Variants in ME3 observed in about 807,000 individuals in gnomAD.
ME3 encodes the protein NADP-dependent malic enzyme, mitochondrial.
Under a neutral mutation model 68.9 loss-of-function variants are expected in ME3, and 48 were observed. That is an observed-to-expected ratio of 0.70 (90% CI 0.55 to 0.89). The LOEUF (loss-of-function observed/expected upper bound fraction) is 0.89. Ranked by LOEUF, ME3 falls within the 40% of genes least tolerant of loss-of-function variation. The probability of loss-of-function intolerance (pLI) is 0.00; values close to 1 mark genes in which losing one functional copy is unlikely to be tolerated. For synonymous variants in ME3, 320 were observed against 318.8 expected (o/e 1.00, Z -0.04); for missense variants, 675 against 797.4 (o/e 0.85, Z 1.85).
intron 7 of ME3, among the ~76,000 whole-genome samples, chr11:86,475,314 C>T (rs1397565162): frequency 6.6e-6 from 1 of 152,192 alleles, no homozygotes; most frequent in Non-Finnish European, 1.5e-5. Context: ...CCTGTTTTCA[C>T]CATGTGATAT....
At chr11:86,644,580 C>T (rs546745372) in intron 2 of ME3, among the ~76,000 whole-genome samples, 23 of 152,306 alleles carry the variant, frequency 1.5e-4, no homozygotes, top group African/African-American at 5.1e-4. Context: ...CCAGACTCTA[C>T]GTGATATAAG....
At chr11:86,462,588 G>A in intron 8 of ME3, 1 of 1,286,856 alleles carries the variant, frequency 7.8e-7, no homozygotes, top group African/African-American at 1.5e-5. Context: ...GTGTGCTTAT[G>A]AGGATGTCAG....
Position 86,556,704 on chromosome 11 carries a change from T to C in ME3, c.318-2A>G, listed in dbSNP as rs1159526933. 6.2e-7 allele frequency: 1 copy of C among 1,613,676 alleles called. No homozygotes were observed. The highest frequency in any genetic ancestry group is 8.5e-7 in the Non-Finnish European group (1 of 1,179,790). On this transcript the variant is annotated splice_acceptor_variant, in intron 3 of 14. Transcript: ENST00000543262. LOFTEE classifies it high-confidence loss of function. Reference sequence around the variant, plus strand: ...TGGAGTGTCATGAGAATGATGTACCTTGTAAAAGGAGAGAAAAAGCAAGCT... The same window carrying C: ...TGGAGTGTCATGAGAATGATGTACCCTGTAAAAGGAGAGAAAAAGCAAGCT...
At chr11:86,639,464 C>T (rs1944534163) in intron 2 of ME3, among the ~76,000 whole-genome samples, 1 of 152,210 alleles carries the variant, frequency 6.6e-6, no homozygotes, top group African/African-American at 2.4e-5. Flanking sequence ...ATAACCAGTT[C>T]CTCCTGGCAC....
At chr11:86,469,850 G>GT (rs113560700) in intron 7 of ME3, among the ~76,000 whole-genome samples, 2,475 of 143,092 alleles carry the variant, frequency 0.017, 40 homozygotes, top group African/African-American at 0.046. Flanking sequence ...GTTTGATTTT[G>GT]TTTTTTTTTT....
At chr11:86,457,397 G>A (rs1373135213) in intron 8 of ME3, 8 of 658,568 alleles carry the variant, frequency 1.2e-5, no homozygotes, top group African/African-American at 2.0e-5. Flanking sequence ...ACCTCCAGGT[G>A]GCCAAATTCA....
chr11:86,607,223 T>TG lies in ME3; in HGVS notation c.184-47401dup, dbSNP rs150516499. Among the ~76,000 whole-genome samples the TG allele has an allele frequency of 3.0e-3, 461 of 152,292 alleles. 3 individuals carry two copies. Among genetic ancestry groups the TG allele is most frequent in the African/African-American group, 0.011 (437 of 41,564 alleles). The stretch of plus-strand genomic sequence containing the variant: ...TCTCCTCTGAGTGATCTTTCTAACT[T>TG]GCAAATGTGATGGTGCTACTTCTTA... On this transcript the variant is annotated intron_variant, in intron 2 of 14. Coordinates refer to ENST00000543262, the Ensembl canonical transcript of ME3.
intron 7 of ME3, among the ~76,000 whole-genome samples, chr11:86,465,486 G>A (rs2138736957): frequency 6.6e-6 from 1 of 152,210 alleles, no homozygotes; most frequent in East Asian, 1.9e-4. Context: ...TCCCATGGCT[G>A]CCATGGCCAG....
intron 8 of ME3, among the ~76,000 whole-genome samples, chr11:86,450,716 A>G (rs969499705): frequency 1.3e-5 from 2 of 152,238 alleles, no homozygotes; most frequent in East Asian, 1.9e-4. Flanking sequence ...AAAAAGAAGC[A>G]TGAGCCTCAT....
chr11:86,487,538 T>C (rs545081540), intron 6 of ME3, 98 bp from the exon 7 acceptor site: 3 of 957,908 alleles, frequency 3.1e-6, no homozygotes, highest in African/African-American at 1.6e-5. Flanking sequence ...AACCAGAAGG[T>C]GGGAGGAGAG....
chr11:86,475,073 A>G (rs943899056), intron 7 of ME3, among the ~76,000 whole-genome samples: 20 of 152,198 alleles, frequency 1.3e-4, no homozygotes, highest in African/African-American at 4.8e-4. Flanking sequence ...CTTCAGGACA[A>G]GTCTTTTCTT....
chr11:86,671,816 A>G (rs1334989436), exon 2 of ME3: 2 of 1,601,976 alleles, frequency 1.2e-6, no homozygotes, highest in African/African-American at 2.7e-5. Flanking sequence ...TCAGGGGCAC[A>G]GGGCGCGCCG....
chr11:86,612,594 T>G (rs1261611934), intron 2 of ME3, among the ~76,000 whole-genome samples: 1 of 152,248 alleles, frequency 6.6e-6, no homozygotes, highest in Non-Finnish European at 1.5e-5. Flanking sequence ...GACTTTTTAA[T>G]AATTGCCATT....
intron 2 of ME3, among the ~76,000 whole-genome samples, chr11:86,666,605 C>A (rs1333280571): frequency 2.6e-5 from 4 of 152,224 alleles, no homozygotes; most frequent in African/African-American, 9.6e-5. Flanking sequence ...CAACCTGCCT[C>A]TGCTAGTTTG....
At chr11:86,468,774 A>G (rs893403074) in intron 7 of ME3, among the ~76,000 whole-genome samples, 2 of 152,192 alleles carry the variant, frequency 1.3e-5, no homozygotes, top group African/African-American at 4.8e-5. Flanking sequence ...ATATTCATTA[A>G]AATGCTAACA....
intron 8 of ME3, among the ~76,000 whole-genome samples, chr11:86,461,950 C>T (rs948655487): frequency 6.6e-6 from 1 of 152,170 alleles, no homozygotes; most frequent in Non-Finnish European, 1.5e-5. Flanking sequence ...TCTCTTTGCT[C>T]TGGGACCCAG....
rs1437690312 is a variant in ME3 at position 86,599,949 on chromosome 11, C to T, written c.184-40126G>A. 2.0e-5 allele frequency among the ~76,000 whole-genome samples: 3 copies of T among 152,124 alleles called. No individual in the cohort carries two copies. The South Asian group carries it at 6.2e-4, about 32-fold the overall frequency. ...GCCCTAAAAGAGCTCCTGAAGGAAG[C>T]ACTAAACATGGAAAGGCACAACTGG... On this transcript the variant is annotated intron_variant, in intron 2 of 14. Coordinates refer to ENST00000543262, the Ensembl canonical transcript of ME3.
At chr11:86,441,725 C>G (rs1363782184) in intron 14 of ME3, among the ~76,000 whole-genome samples, 1 of 152,206 alleles carries the variant, frequency 6.6e-6, no homozygotes, top group Non-Finnish European at 1.5e-5. Context: ...ATTATCCTTG[C>G]TGAGCCTCAG....
At chr11:86,474,961 G>A (rs1157484686) in intron 7 of ME3, among the ~76,000 whole-genome samples, 8 of 152,242 alleles carry the variant, frequency 5.3e-5, no homozygotes, top group Non-Finnish European at 1.2e-4. Flanking sequence ...ATGGATGGAT[G>A]AATACATGAA....
Sources: allele counts gnomAD v4.1 joint callset (sites outside exome capture counted in the v4.1 genomes callset), GRCh38; gene constraint gnomAD v4.1.1; transcripts MANE v1.5; gene names NCBI Gene and HGNC (gene_info 2026-07-23, HGNC 2026-07-21).